CILK1: variants seen among roughly 807,000 people sequenced by gnomAD.
CILK1 encodes the protein serine/threonine-protein kinase ICK.
CILK1 carries 47 observed loss-of-function variants against 79.2 expected under a neutral mutation model. The observed-to-expected ratio is 0.59, with a 90% confidence interval of 0.47 to 0.76. The LOEUF is 0.76. CILK1 is among the 30% of genes least tolerant of loss of function. CILK1 has a pLI of 0.00. For missense variants in CILK1, 660 were observed against 769.5 expected (o/e 0.86, Z 1.68); for synonymous variants, 266 against 275.9 (o/e 0.96, Z 0.36).
intron 3 of CILK1, among the ~76,000 whole-genome samples, chr6:53,036,480 A>G (rs1278018391): frequency 6.6e-6 from 1 of 152,090 alleles, no homozygotes; most frequent in East Asian, 1.9e-4. Context: ...CAGTGGCACA[A>G]TCTCAGCTCA....
chr6:53,058,249 T>G (rs989964987), intron 1 of CILK1, among the ~76,000 whole-genome samples: 1 of 152,178 alleles, frequency 6.6e-6, no homozygotes, highest in African/African-American at 2.4e-5. Flanking sequence ...ACAGATTGAA[T>G]GAAGATGCCC....
chr6:53,009,164 GAGTCTGTAA>G (rs1177778398), intron 12 of CILK1, among the ~76,000 whole-genome samples: 11 of 152,210 alleles, frequency 7.2e-5, no homozygotes, highest in African/African-American at 2.2e-4. Context: ...GGCCTAGTAA[GAGTCTGTAA>G]AGGTATTTTT....
chr6:53,037,956 T>C lies in CILK1; in HGVS notation c.139A>G (p.Asn47Asp). The C allele has an allele frequency of 6.3e-7, 1 of 1,589,930 alleles. No individual in the cohort carries two copies. Among genetic ancestry groups the C allele is most frequent in the Non-Finnish European group, 8.6e-7 (1 of 1,158,062 alleles). Residue 47 changes from asparagine to aspartate, a missense_variant, in exon 3 of 14, where the codon AAC becomes GAC. Asn to Asp is a conservative substitution (Grantham distance 23, BLOSUM62 1). Coordinates refer to ENST00000676107, the MANE Select transcript of CILK1 (RefSeq NM_014920.5). ...RKFYSWEECM[N>D]LREVKSLKKL... ...ATATATACCTTAACCTCCCGAAGGT[T>C]CATGCATTCCTCCCAGGAATAAAAT...
chr6:53,024,409 T>C (rs1309067334), intron 5 of CILK1, among the ~76,000 whole-genome samples: 1 of 152,236 alleles, frequency 6.6e-6, no homozygotes, highest in Non-Finnish European at 1.5e-5. Context: ...GATTTATTCA[T>C]GCCCACCACA....
At chr6:53,061,023 G>T (rs902387522) in intron 1 of CILK1, 3 of 152,228 alleles carry the variant, frequency 2.0e-5, no homozygotes, top group South Asian at 2.1e-4. Context: ...TTATTTAGTT[G>T]TAAGTGGAAA....
chr6:53,037,806 A>T (rs1766457174), intron 3 of CILK1, 133 bp downstream of exon 3: 1 of 643,150 alleles, frequency 1.6e-6, no homozygotes, highest in Non-Finnish European at 2.8e-6. Flanking sequence ...TTCAGCTGTA[A>T]TGTTATCATT....
At position 53,019,265 on chromosome 6, in the gene CILK1, T is replaced by C. The variant is rs149467924; in HGVS notation, c.453A>G (p.Arg151=). 1,078 of 1,614,116 alleles carry C rather than the reference T, an allele frequency of 6.7e-4. 1 individual carries two copies. Among genetic ancestry groups the C allele is most frequent in the Non-Finnish European group, 8.6e-4 (1,014 of 1,179,942 alleles). ...IADFGLAREI[R]SKPPYTDYVS... Reference sequence around the variant, plus strand: ...CATAATCTGTATATGGAGGTTTTGATCGTATTTCTCGGGCCAAACCAAAGT... The same window carrying C: ...CATAATCTGTATATGGAGGTTTTGACCGTATTTCTCGGGCCAAACCAAAGT... The change falls in exon 6 of 14, where the codon CGA becomes CGG. Residue 151 remains arginine, a synonymous_variant. Coordinates refer to ENST00000676107, the MANE Select transcript of CILK1 (RefSeq NM_014920.5).
chr6:53,045,814 T>A (rs1369669367), intron 1 of CILK1, among the ~76,000 whole-genome samples: 1 of 144,788 alleles, frequency 6.9e-6, no homozygotes, highest in Non-Finnish European at 1.5e-5. Flanking sequence ...AAAAAATTCC[T>A]GGAAGCTTGA....
intron 13 of CILK1, among the ~76,000 whole-genome samples, chr6:53,006,109 G>C (rs1764204037): frequency 1.3e-5 from 2 of 152,090 alleles, no homozygotes; most frequent in African/African-American, 2.4e-5. Context: ...CCTACCTCCT[G>C]TCTGCTGTAT....
chr6:53,010,427 TC>T (rs1764504943), intron 11 of CILK1, among the ~76,000 whole-genome samples: 1 of 152,128 alleles, frequency 6.6e-6, no homozygotes, highest in Non-Finnish European at 1.5e-5. Flanking sequence ...TGCTGGCCCC[TC>T]CCCTACTCAG....
chr6:53,061,346 T>A (rs1263143869), intron 1 of CILK1, among the ~76,000 whole-genome samples: 1 of 152,182 alleles, frequency 6.6e-6, no homozygotes, highest in Non-Finnish European at 1.5e-5. Flanking sequence ...GGCTTCAAAT[T>A]AGCTAGGGTC....
At position 53,019,227 on chromosome 6, in the gene CILK1, C is replaced by G; in HGVS notation, c.491G>C (p.Trp164Ser). 1 of 1,613,214 alleles carries G rather than the reference C, an allele frequency of 6.2e-7. No individual in the cohort carries two copies. The highest frequency in any genetic ancestry group is 8.5e-7 in the Non-Finnish European group (1 of 1,179,310). The stretch of plus-strand genomic sequence containing the variant: ...TAATTTTGAGAAAAATGGTATTCAC[C>G]ATCTGGTAGATACATAATCTGTATA... ...PPYTDYVSTRWYRAPEVLLRS... is the reference protein window; with the variant it reads ...PPYTDYVSTRSYRAPEVLLRS... The change falls in exon 6 of 14, where the codon TGG (tryptophan) becomes TCG (serine). Residue 164 changes from tryptophan (W) to serine (S), a missense_variant and splice_region_variant. Coordinates refer to ENST00000676107, the MANE Select transcript of CILK1 (RefSeq NM_014920.5).
chr6:53,004,172 T>C lies in CILK1; in HGVS notation c.*977A>G, dbSNP rs1336626606. The C allele has an allele frequency of 1.3e-5, 2 of 152,646 alleles. No homozygotes were observed. The highest frequency in any genetic ancestry group is 2.9e-5 in the Non-Finnish European group (2 of 68,034). 9.5% of individuals were successfully genotyped at this position (152,646 alleles called of 1,614,324 possible). The stretch of plus-strand genomic sequence containing the variant: ...TTTGGCTAGGACAGAACATTAGTCA[T>C]TGACTGCTCCTAGCCAGATCTGGAG... On this transcript the variant is annotated 3_prime_UTR_variant, in exon 14 of 14. Transcript: ENST00000676107.
At chr6:53,043,620 T>C (rs1562038388) in intron 1 of CILK1, among the ~76,000 whole-genome samples, 1 of 152,102 alleles carries the variant, frequency 6.6e-6, no homozygotes, top group Non-Finnish European at 1.5e-5. Flanking sequence ...GGTGATGTAT[T>C]CCATTGATGA....
rs1468120624 is a variant in CILK1 at position 53,052,958 on chromosome 6, A to AT, written c.-173+8637dup. On this transcript the variant is annotated intron_variant, in intron 1 of 13. Transcript: ENST00000676107. The stretch of plus-strand genomic sequence containing the variant: ...TTGCCATTTTTTTTTTTTAGCTGTC[A>AT]TTTTTTTGTGTGCCTTCATAGCCAC... Among the ~76,000 whole-genome samples, 4 of 145,364 alleles carry AT rather than the reference A, an allele frequency of 2.8e-5. No homozygotes were observed. The East Asian group carries it at 7.9e-4, about 29-fold the overall frequency.
chr6:53,044,600 T>C (rs1418859227), intron 1 of CILK1, among the ~76,000 whole-genome samples: 2 of 152,140 alleles, frequency 1.3e-5, no homozygotes, highest in African/African-American at 4.8e-5. Context: ...GGGTAAAATG[T>C]TAACAACAGG....
rs1263720863 is a variant in CILK1, at chr6:53,006,335, G to A, written c.1724C>T (p.Pro575Leu). 1 of 1,613,842 alleles carries A rather than the reference G, an allele frequency of 6.2e-7. No homozygotes were observed. The highest frequency in any genetic ancestry group is 1.3e-5 in the African/African-American group (1 of 75,036). Residue 575 changes from proline (P) to leucine (L), a missense_variant, in exon 13 of 14, where the codon CCT (proline) becomes CTT (leucine). Coordinates refer to ENST00000676107, the MANE Select transcript of CILK1 (RefSeq NM_014920.5). ...CTCACCAGGGGAAGGGTCTGGAATAGGTGCTAGGTGTACCCTCTGCATAGC... is the reference window on the plus strand; with the variant it reads ...CTCACCAGGGGAAGGGTCTGGAATAAGTGCTAGGTGTACCCTCTGCATAGC... ...GSAMQRVHLA[P>L]IPDPSPGYSS... is the part of the protein sequence containing the mutation.
chr6:53,019,563 A>C (rs1562013906), intron 5 of CILK1, among the ~76,000 whole-genome samples: 1 of 152,250 alleles, frequency 6.6e-6, no homozygotes, highest in Non-Finnish European at 1.5e-5. Flanking sequence ...TTTGCAAATC[A>C]TTCAAAGGTG....
At position 53,009,560 on chromosome 6, in the gene CILK1, ACTGATCC is replaced by A; in HGVS notation, c.1493_1499del (p.Gly498ValfsTer2). ...GATTCGAGAGTATGCCATTTCTTAT[ACTGATCC>A]CTGATAGAGAAGAAATGATTTTAAA... On this transcript the variant is annotated frameshift_variant and splice_region_variant, in exon 12 of 14. Coordinates refer to ENST00000676107, the MANE Select transcript of CILK1 (RefSeq NM_014920.5). LOFTEE classifies it high-confidence loss of function. The A allele has an allele frequency of 2.5e-6, 4 of 1,606,290 alleles. No individual in the cohort carries two copies. The highest frequency in any genetic ancestry group is 2.6e-6 in the Non-Finnish European group (3 of 1,172,966).
Sources: allele counts gnomAD v4.1 joint callset (sites outside exome capture counted in the v4.1 genomes callset), GRCh38; gene constraint gnomAD v4.1.1; transcripts MANE v1.5; gene names NCBI Gene and HGNC (gene_info 2026-07-23, HGNC 2026-07-21).